SLC25A21: variants seen among roughly 807,000 people sequenced by gnomAD.
SLC25A21 encodes mitochondrial 2-oxodicarboxylate carrier.
Under a neutral mutation model 43.8 loss-of-function variants are expected in SLC25A21, and 47 were observed. That is an observed-to-expected ratio of 1.07 (90% CI 0.85 to 1.37). The LOEUF (loss-of-function observed/expected upper bound fraction) is 1.37. SLC25A21 is among the 40% of genes most tolerant of loss of function. The pLI is 0.00. For missense variants in SLC25A21, 352 were observed against 350.2 expected (o/e 1.00, Z -0.04); for synonymous variants, 131 against 121.3 (o/e 1.08, Z -0.52).
intron 1 of SLC25A21, among the ~76,000 whole-genome samples, chr14:36,886,143 T>G (rs1154116): frequency 6.6e-6 from 1 of 152,062 alleles, no homozygotes; most frequent in African/African-American, 2.4e-5. Flanking sequence ...AGCAAATCAT[T>G]ACAACATCCT....
In SLC25A21 at chr14:36,680,172, T is replaced by C. The variant is rs1010706692; in HGVS notation, c.*486A>G. The C allele has an allele frequency of 1.2e-6, 1 of 839,944 alleles. No homozygotes were observed. The highest frequency in any genetic ancestry group is 1.4e-6 in the Non-Finnish European group (1 of 698,160). The allele number at this position is 839,944 out of a possible 1,614,324, so 52.0% of individuals were successfully genotyped here. A position where few individuals can be genotyped will look rare whatever the true frequency, so the allele number is the denominator to read the frequency against. On this transcript the variant is annotated 3_prime_UTR_variant, in exon 10 of 10. Transcript: ENST00000331299. ...TTTAAAAAATTTTTCTTGTGCTCTT[T>C]AAATATTATTTATGGAATAATTTAA...
intron 1 of SLC25A21, among the ~76,000 whole-genome samples, chr14:37,101,950 A>C (rs1170998034): frequency 6.6e-6 from 1 of 152,154 alleles, no homozygotes; most frequent in East Asian, 1.9e-4. Flanking sequence ...CAGTTTCCTC[A>C]TCTGTAAGAT....
chr14:37,119,896 CTAAAGATAAAGGTG>C (rs1208649625), intron 1 of SLC25A21, among the ~76,000 whole-genome samples: 2 of 151,974 alleles, frequency 1.3e-5, no homozygotes, highest in African/African-American at 4.8e-5. Context: ...AAGTTCCTAC[CTAAAGATAAAGGTG>C]AAAATGATAT....
At chr14:37,143,392 T>A (rs1963603195) in intron 1 of SLC25A21, among the ~76,000 whole-genome samples, 1 of 152,204 alleles carries the variant, frequency 6.6e-6, no homozygotes, top group South Asian at 2.1e-4. Flanking sequence ...ATACCTGCTG[T>A]CACAGGGGCT....
chr14:36,769,338 C>G (rs1886534254), intron 3 of SLC25A21, among the ~76,000 whole-genome samples: 1 of 152,206 alleles, frequency 6.6e-6, no homozygotes, highest in African/African-American at 2.4e-5. Flanking sequence ...CCTCTCCCTT[C>G]AATATTCTCA....
intron 2 of SLC25A21, among the ~76,000 whole-genome samples, chr14:36,840,798 C>G (rs973752231): frequency 6.6e-6 from 1 of 152,126 alleles, no homozygotes; most frequent in African/African-American, 2.4e-5. Context: ...GCTCTGATAT[C>G]CGACGAGTCA....
intron 1 of SLC25A21, among the ~76,000 whole-genome samples, chr14:37,103,674 C>T (rs1196893818): frequency 1.3e-5 from 2 of 152,146 alleles, no homozygotes; most frequent in African/African-American, 4.8e-5. Flanking sequence ...AAATCTCAAA[C>T]CTTCTTCCCT....
intron 2 of SLC25A21, among the ~76,000 whole-genome samples, chr14:36,830,144 GA>G (rs200393281): frequency 0.01 from 1,566 of 152,180 alleles, 20 homozygotes; most frequent in African/African-American, 0.035. Context: ...TTCTTAGGCG[GA>G]AAAAAATCTT....
chr14:37,112,642 G>A (rs902493097), intron 1 of SLC25A21, among the ~76,000 whole-genome samples: 8 of 152,176 alleles, frequency 5.3e-5, no homozygotes, highest in Admixed American at 5.2e-4. Context: ...GAAAGGAAGT[G>A]ATGTAAACAA....
chr14:37,064,185 T>C (rs1182428321), intron 1 of SLC25A21, among the ~76,000 whole-genome samples: 2 of 152,088 alleles, frequency 1.3e-5, no homozygotes, highest in Admixed American at 1.3e-4. Flanking sequence ...GACACCCTTC[T>C]TCTCCTCCCT....
intron 6 of SLC25A21, among the ~76,000 whole-genome samples, chr14:36,712,430 T>C (rs1045406353): frequency 5.3e-5 from 8 of 152,136 alleles, no homozygotes; most frequent in Non-Finnish European, 8.8e-5. Context: ...GTTAGCGTGG[T>C]TGTGGCAGTC....
intron 1 of SLC25A21, among the ~76,000 whole-genome samples, chr14:36,893,039 T>C (rs1415972002): frequency 1.3e-5 from 2 of 152,224 alleles, no homozygotes; most frequent in African/African-American, 2.4e-5. Context: ...CGCAGCATGA[T>C]TTATAATCCT....
At chr14:36,854,939 G>GGT (rs1555332564) in intron 2 of SLC25A21, among the ~76,000 whole-genome samples, 1 of 151,088 alleles carries the variant, frequency 6.6e-6, no homozygotes, top group East Asian at 2.0e-4. Context: ...GAGGTGGGGG[G>GGT]GGGTATTCTG....
intron 1 of SLC25A21, among the ~76,000 whole-genome samples, chr14:36,879,629 T>A (rs547105297): frequency 5.3e-5 from 8 of 152,248 alleles, no homozygotes; most frequent in African/African-American, 1.9e-4. Context: ...GCCCTTGAAC[T>A]GCCTCAAGTA....
chr14:36,959,665 A>G (rs867032989), intron 1 of SLC25A21, among the ~76,000 whole-genome samples: 2 of 152,164 alleles, frequency 1.3e-5, no homozygotes, highest in South Asian at 2.1e-4. Flanking sequence ...TTTTGTTTTC[A>G]TATCTCTGAA....
chr14:36,899,855 G>C (rs1298926715), intron 1 of SLC25A21, among the ~76,000 whole-genome samples: 1 of 152,172 alleles, frequency 6.6e-6, no homozygotes, highest in Non-Finnish European at 1.5e-5. Flanking sequence ...TTTCTGGGGT[G>C]AACACATATT....
At chr14:36,946,844 A>G (rs1393211844) in intron 1 of SLC25A21, among the ~76,000 whole-genome samples, 2 of 152,176 alleles carry the variant, frequency 1.3e-5, no homozygotes, top group East Asian at 3.9e-4. Flanking sequence ...GAGTTACTAT[A>G]CAAACCAACC....
intron 1 of SLC25A21, among the ~76,000 whole-genome samples, chr14:37,040,371 G>GAA (rs61683539): frequency 0.059 from 2,323 of 39,580 alleles, 118 homozygotes; most frequent in South Asian, 0.074. Flanking sequence ...GAGAGAGAGA[G>GAA]AGAGAAAGAA....
chr14:37,134,776 G>A (rs1202995652), intron 1 of SLC25A21, among the ~76,000 whole-genome samples: 2 of 152,006 alleles, frequency 1.3e-5, no homozygotes, highest in Admixed American at 6.6e-5. Flanking sequence ...CCCTTGAAAC[G>A]GAGCTTCATA....
Sources: gnomAD v4.1 joint callset for allele counts (sites outside exome capture counted in the v4.1 genomes callset) on GRCh38, gnomAD v4.1.1 for gene constraint, MANE v1.5 for transcripts, NCBI Gene and HGNC (gene_info 2026-07-23, HGNC 2026-07-21) for gene names.